CCDC171: variants seen among roughly 807,000 people sequenced by gnomAD.
CCDC171 encodes coiled-coil domain-containing protein 171.
Under a neutral mutation model 168.2 loss-of-function variants are expected in CCDC171, and 177 were observed. The ratio of observed to expected loss-of-function variants is 1.05; its 90% CI spans 0.93 to 1.19. The LOEUF is 1.19. Among genes scored for constraint, CCDC171 ranks in the 50% most tolerant of loss-of-function variants. The pLI is 0.00. For missense variants in CCDC171, 1,991 were observed against 1,539.0 expected (o/e 1.29, Z -4.91); for synonymous variants, 687 against 540.8 (o/e 1.27, Z -3.75).
At chr9:15,843,899 C>T (rs1228436592) in intron 21 of CCDC171, among the ~76,000 whole-genome samples, 1 of 152,104 alleles carries the variant, frequency 6.6e-6, no homozygotes, top group Admixed American at 6.6e-5. Context: ...ATTCTTCTCC[C>T]CACTAAATGT....
chr9:15,902,150 T>C (rs868544422), intron 24 of CCDC171, among the ~76,000 whole-genome samples: 26 of 151,978 alleles, frequency 1.7e-4, no homozygotes, highest in Admixed American at 3.9e-4. Context: ...CTAACTGCTC[T>C]GAGTTTTGCA....
intron 21 of CCDC171, among the ~76,000 whole-genome samples, chr9:15,814,962 C>G (rs547020954): frequency 2.2e-4 from 33 of 152,284 alleles, no homozygotes; most frequent in Non-Finnish European, 4.3e-4. Context: ...ATTATAAAAT[C>G]TTACATTCTG....
rs2056299528 is a variant in CCDC171 at position 15,759,034 on chromosome 9, C to G, written c.2671+13403C>G. On this transcript the variant is annotated intron_variant, in intron 18 of 25. Coordinates refer to ENST00000380701, the MANE Select transcript of CCDC171 (RefSeq NM_173550.4). ...TCGCTGCAAAGGATATGATTTCATT[C>G]TTTTTCATTGCTGTGTATTAGGAAT... is the stretch of plus-strand genomic sequence containing the variant. Among the ~76,000 whole-genome samples, 3 of 152,146 alleles carry G rather than the reference C, an allele frequency of 2.0e-5. No individual in the cohort carries two copies. In the South Asian group the frequency reaches 6.2e-4, roughly 32 times the overall value.
At chr9:15,778,523 C>G (rs2057467204) in intron 19 of CCDC171, among the ~76,000 whole-genome samples, 1 of 149,646 alleles carries the variant, frequency 6.7e-6, no homozygotes, top group East Asian at 2.0e-4. Flanking sequence ...CCTCATGCCT[C>G]TAATCCCAGC....
At chr9:15,666,439 A>G in intron 9 of CCDC171, 116 bp downstream of exon 9, 1 of 666,698 alleles carries the variant, frequency 1.5e-6, no homozygotes, top group Non-Finnish European at 2.4e-6. Flanking sequence ...TCAGTGGTAG[A>G]CTGGGGCAAG....
At chr9:16,093,853 A>G in the CCDC171 span, among the ~76,000 whole-genome samples, 85 of 152,302 alleles carry the variant, frequency 5.6e-4, no homozygotes, top group Non-Finnish European at 6.8e-4. Context: ...TATAGAGCCT[A>G]TCCTGTGTTC....
At chr9:15,922,190 A>G (rs1192288346) in intron 25 of CCDC171, 3 of 398,206 alleles carry the variant, frequency 7.5e-6, no homozygotes, top group East Asian at 7.2e-5. Flanking sequence ...ACATTCCCCC[A>G]GGTGATTCTG....
At chr9:15,645,041 A>G (rs529356983) in intron 7 of CCDC171, among the ~76,000 whole-genome samples, 49 of 152,332 alleles carry the variant, frequency 3.2e-4, no homozygotes, top group African/African-American at 1.1e-3. Flanking sequence ...CTCTGTGACG[A>G]AGCTTCCAGA....
At chr9:15,631,284 T>G (rs2045669711) in intron 7 of CCDC171, among the ~76,000 whole-genome samples, 1 of 150,104 alleles carries the variant, frequency 6.7e-6, no homozygotes, top group African/African-American at 2.5e-5. Context: ...GCAAGACTAA[T>G]AAAGAAGAAA....
intron 7 of CCDC171, among the ~76,000 whole-genome samples, chr9:15,652,411 A>G (rs931536560): frequency 6.7e-6 from 1 of 150,098 alleles, no homozygotes. Flanking sequence ...CTATATGTGT[A>G]TCCTTTTGCT....
intron 11 of CCDC171, among the ~76,000 whole-genome samples, chr9:15,697,298 C>G (rs1045169990): frequency 3.9e-5 from 6 of 152,152 alleles, no homozygotes; most frequent in African/African-American, 1.4e-4. Flanking sequence ...CTCCACTTGA[C>G]CTTTTAAGCT....
At chr9:15,950,882 T>A (rs1316264276) in intron 25 of CCDC171, among the ~76,000 whole-genome samples, 2 of 151,034 alleles carry the variant, frequency 1.3e-5, no homozygotes, top group East Asian at 4.0e-4. Flanking sequence ...GAAAGCCATC[T>A]CACGTGCAGA....
chr9:15,582,870 A>G (rs994344027), intron 4 of CCDC171, among the ~76,000 whole-genome samples: 2 of 151,800 alleles, frequency 1.3e-5, no homozygotes, highest in Non-Finnish European at 2.9e-5. Flanking sequence ...ACCATGGCAC[A>G]TGTATACCTA....
At chr9:15,839,939 C>T (rs1029974200) in intron 21 of CCDC171, among the ~76,000 whole-genome samples, 2 of 151,208 alleles carry the variant, frequency 1.3e-5, no homozygotes, top group African/African-American at 2.4e-5. Flanking sequence ...CTAAAATAAC[C>T]TAAATTTATT....
intron 25 of CCDC171, among the ~76,000 whole-genome samples, chr9:15,950,817 A>T (rs947225400): frequency 6.6e-6 from 1 of 151,826 alleles, no homozygotes; most frequent in Admixed American, 6.6e-5. Flanking sequence ...CAATTAAAAG[A>T]CACAGACTGG....
intron 3 of CCDC171, among the ~76,000 whole-genome samples, chr9:15,998,611 T>A (rs1832441170): frequency 6.6e-6 from 1 of 152,212 alleles, no homozygotes; most frequent in Non-Finnish European, 1.5e-5. Flanking sequence ...CTTTCACTGT[T>A]AGTTTCTGTT....
chr9:15,999,244 AAAAGAAAG>A (rs1212210593), intron 3 of CCDC171, among the ~76,000 whole-genome samples: 4 of 151,286 alleles, frequency 2.6e-5, no homozygotes, highest in African/African-American at 9.7e-5. Flanking sequence ...AGATAGAAAG[AAAAGAAAG>A]AAAGAGAGAA....
chr9:15,671,063 G>C (rs923910435), intron 9 of CCDC171, among the ~76,000 whole-genome samples: 2 of 152,164 alleles, frequency 1.3e-5, no homozygotes, highest in Non-Finnish European at 2.9e-5. Context: ...CTGTACTTCA[G>C]TGTGGGCGAC....
intron 7 of CCDC171, among the ~76,000 whole-genome samples, chr9:15,629,085 A>T (rs1257011867): frequency 6.6e-6 from 1 of 152,138 alleles, no homozygotes; most frequent in Non-Finnish European, 1.5e-5. Context: ...TGGGGAAAAA[A>T]CAGAGCAGAA....
Sources: allele counts gnomAD v4.1 joint callset (sites outside exome capture counted in the v4.1 genomes callset), GRCh38; gene constraint gnomAD v4.1.1; transcripts MANE v1.5; gene names NCBI Gene and HGNC (gene_info 2026-07-23, HGNC 2026-07-21).